The following ZFHX3 variants were observed in gnomAD, a reference collection of about 807,000 sequenced individuals.
ZFHX3 encodes zinc finger homeobox 3.
Under a neutral mutation model 279.1 loss-of-function variants are expected in ZFHX3, and 42 were observed. That is an observed-to-expected ratio of 0.15 (90% CI 0.12 to 0.19). ZFHX3 has a LOEUF of 0.19. Ranked by LOEUF, ZFHX3 falls within the 10% of genes least tolerant of loss-of-function variation. ZFHX3 has a pLI of 1.00. For synonymous variants in ZFHX3, 2,293 were observed against 1,957.8 expected (o/e 1.17, Z -4.52); for missense variants, 4,981 against 4,754.0 (o/e 1.05, Z -1.40).
At chr16:72,911,335 GA>G (rs1484112326) in intron 3 of ZFHX3, among the ~76,000 whole-genome samples, 1 of 152,212 alleles carries the variant, frequency 6.6e-6, no homozygotes, top group African/African-American at 2.4e-5. Context: ...GAACTATCAG[GA>G]AGTAATTGAG....
At chr16:73,002,162 A>G (rs1237720817) in intron 1 of ZFHX3, among the ~76,000 whole-genome samples, 3 of 152,216 alleles carry the variant, frequency 2.0e-5, no homozygotes. Flanking sequence ...AGTAACGGAC[A>G]TGGAACTCAA....
chr16:73,197,486 T>C (rs1352680975), intron 5 of ZFHX3, among the ~76,000 whole-genome samples: 2 of 152,178 alleles, frequency 1.3e-5, no homozygotes, highest in Non-Finnish European at 2.9e-5. Flanking sequence ...TGAGTAAACA[T>C]AAAGCAATTG....
intron 1 of ZFHX3, among the ~76,000 whole-genome samples, chr16:73,762,400 A>AT (rs2053878895): frequency 2.6e-5 from 4 of 152,342 alleles, no homozygotes; most frequent in African/African-American, 9.6e-5. Context: ...TAGTTCAACC[A>AT]TTGTGGAAGA....
chr16:73,648,134 C>T (rs533202781), intron 2 of ZFHX3, among the ~76,000 whole-genome samples: 1 of 152,218 alleles, frequency 6.6e-6, no homozygotes, highest in Non-Finnish European at 1.5e-5. Context: ...CACTTATTTC[C>T]CCTGCTAGGA....
intron 2 of ZFHX3, among the ~76,000 whole-genome samples, chr16:73,509,521 C>CTTTTT (rs531436437): frequency 4.9e-5 from 5 of 102,962 alleles, no homozygotes; most frequent in Non-Finnish European, 9.1e-5. Context: ...TTTCCCTCTC[C>CTTTTT]TTTTTTTTTT....
At chr16:73,301,421 T>A (rs2143132722) in intron 4 of ZFHX3, among the ~76,000 whole-genome samples, 1 of 152,242 alleles carries the variant, frequency 6.6e-6, no homozygotes, top group South Asian at 2.1e-4. Flanking sequence ...ACAGGATGAT[T>A]TTTTACTGTA....
intron 2 of ZFHX3, among the ~76,000 whole-genome samples, chr16:73,618,998 C>A (rs1455498858): frequency 6.6e-6 from 1 of 151,992 alleles, no homozygotes; most frequent in Non-Finnish European, 1.5e-5. Flanking sequence ...GAAAGAAGAG[C>A]ATATTTTAAA....
chr16:73,672,655 A>G (rs2052915479), intron 2 of ZFHX3, among the ~76,000 whole-genome samples: 1 of 149,538 alleles, frequency 6.7e-6, no homozygotes, highest in South Asian at 2.1e-4. Context: ...TGAAAAACAC[A>G]TGATGAGAGA....
intron 3 of ZFHX3, among the ~76,000 whole-genome samples, chr16:73,333,471 CAGAAAGAA>C (rs1057177630): frequency 2.0e-5 from 3 of 152,046 alleles, no homozygotes; most frequent in African/African-American, 7.2e-5. Context: ...GATAAACAGA[CAGAAAGAA>C]AGCAAGAAAG....
chr16:73,632,998 G>A (rs1354948407), intron 2 of ZFHX3, among the ~76,000 whole-genome samples: 2 of 152,180 alleles, frequency 1.3e-5, no homozygotes, highest in African/African-American at 2.4e-5. Flanking sequence ...AGAATGGTGT[G>A]AACCCTGGAG....
intron 3 of ZFHX3, among the ~76,000 whole-genome samples, chr16:72,932,299 A>G (rs11864089): frequency 0.043 from 6,593 of 152,202 alleles, 336 homozygotes; most frequent in African/African-American, 0.11. Flanking sequence ...AGGTAACATC[A>G]TTTCCTTCTC....
At chr16:73,733,071 A>G (rs1407043209) in intron 1 of ZFHX3, among the ~76,000 whole-genome samples, 3 of 150,654 alleles carry the variant, frequency 2.0e-5, no homozygotes, top group East Asian at 2.0e-4. Context: ...TTAGGCAGCA[A>G]TCAGCTCAAA....
intron 7 of ZFHX3, among the ~76,000 whole-genome samples, chr16:73,122,951 C>G (rs1445093793): frequency 1.3e-5 from 2 of 152,058 alleles, no homozygotes; most frequent in African/African-American, 4.8e-5. Context: ...AAATTCTGCT[C>G]TAGCCTAATT....
intron 2 of ZFHX3, among the ~76,000 whole-genome samples, chr16:73,656,001 ATGT>A (rs1405596410): frequency 6.6e-6 from 1 of 152,258 alleles, no homozygotes; most frequent in Non-Finnish European, 1.5e-5. Flanking sequence ...ATGTAAATAA[ATGT>A]TGGTGTAATT....
intron 3 of ZFHX3, among the ~76,000 whole-genome samples, chr16:72,896,581 G>T (rs573883968): frequency 1.5e-4 from 23 of 152,178 alleles, no homozygotes; most frequent in Middle Eastern, 3.2e-3. Context: ...GTTCAGCCTC[G>T]TCAAACACTG....
At chr16:73,494,857 T>C (rs2019113475) in intron 2 of ZFHX3, among the ~76,000 whole-genome samples, 1 of 152,092 alleles carries the variant, frequency 6.6e-6, no homozygotes, top group South Asian at 2.1e-4. Flanking sequence ...TGTGAGCCTC[T>C]GCGCCCGGCA....
intron 5 of ZFHX3, among the ~76,000 whole-genome samples, chr16:73,207,154 C>G (rs2011840615): frequency 6.6e-6 from 1 of 152,116 alleles, no homozygotes; most frequent in African/African-American, 2.4e-5. Flanking sequence ...TTTACTATCT[C>G]AAATATATTG....
At chr16:73,567,193 C>A (rs1189437110) in intron 2 of ZFHX3, among the ~76,000 whole-genome samples, 2 of 152,142 alleles carry the variant, frequency 1.3e-5, no homozygotes, top group African/African-American at 4.8e-5. Context: ...ACACTAATCT[C>A]CTAAATCCAG....
chr16:72,892,034 G>A (rs1029910701), intron 3 of ZFHX3, among the ~76,000 whole-genome samples: 4 of 152,244 alleles, frequency 2.6e-5, no homozygotes, highest in African/African-American at 9.6e-5. Context: ...GAAAATACCA[G>A]AGTGGCCCTG....
Sources: allele counts gnomAD v4.1 joint callset (sites outside exome capture counted in the v4.1 genomes callset), GRCh38; gene constraint gnomAD v4.1.1; transcripts MANE v1.5; gene names NCBI Gene and HGNC (gene_info 2026-07-23, HGNC 2026-07-21).